Variants in TRHDE observed in about 807,000 individuals in gnomAD.
The protein encoded by TRHDE is thyrotropin-releasing hormone-degrading ectoenzyme.
In TRHDE, 72 loss-of-function variants were observed where a neutral mutation model predicts 125.7. The ratio of observed to expected loss-of-function variants is 0.57; its 90% CI spans 0.47 to 0.70. The LOEUF (loss-of-function observed/expected upper bound fraction) is 0.70, where lower values mean the gene tolerates loss of function less well. TRHDE is among the 30% of genes least tolerant of loss of function. The pLI is 0.00. For missense variants in TRHDE, 1,110 were observed against 1,327.1 expected (o/e 0.84, Z 2.54); for synonymous variants, 509 against 509.1 (o/e 1.00, Z 0.00).
intron 2 of TRHDE, among the ~76,000 whole-genome samples, chr12:72,133,872 G>A (rs1396216073): frequency 6.6e-6 from 1 of 152,150 alleles, no homozygotes; most frequent in East Asian, 1.9e-4. Flanking sequence ...GCTTTTCCCT[G>A]GGTGGCTGTT....
At chr12:72,603,333 G>A (rs547620446) in intron 12 of TRHDE, among the ~76,000 whole-genome samples, 1 of 152,086 alleles carries the variant, frequency 6.6e-6, no homozygotes, top group East Asian at 1.9e-4. Flanking sequence ...GGGTGTGTGT[G>A]GTGTGTGTTG....
At chr12:72,656,463 G>T (rs1874712733) in intron 17 of TRHDE, among the ~76,000 whole-genome samples, 1 of 152,088 alleles carries the variant, frequency 6.6e-6, no homozygotes, top group South Asian at 2.1e-4. Context: ...AAAATAATAT[G>T]AAAATGCCAG....
intron 2 of TRHDE, among the ~76,000 whole-genome samples, chr12:72,344,504 A>C (rs113521343): frequency 1.3e-5 from 2 of 152,244 alleles, no homozygotes; most frequent in Admixed American, 6.5e-5. Flanking sequence ...GGAATCCATA[A>C]AATTAATTTA....
intron 2 of TRHDE, among the ~76,000 whole-genome samples, chr12:72,201,174 T>A (rs1020800536): frequency 8.5e-5 from 13 of 152,126 alleles, no homozygotes; most frequent in African/African-American, 3.1e-4. Flanking sequence ...AGGGATCAGA[T>A]CATGGAGTCT....
chr12:72,407,882 C>T (rs957824629), intron 3 of TRHDE, among the ~76,000 whole-genome samples: 29 of 152,152 alleles, frequency 1.9e-4, no homozygotes, highest in Non-Finnish European at 4.0e-4. Flanking sequence ...GCATTTGCTA[C>T]GAACATGACC....
chr12:72,455,941 C>T (rs566413083), intron 3 of TRHDE, among the ~76,000 whole-genome samples: 11 of 151,800 alleles, frequency 7.2e-5, no homozygotes, highest in East Asian at 3.9e-4. Flanking sequence ...TAGAATTCAA[C>T]GAGTTTGCCA....
At chr12:72,407,447 C>G (rs2135809890) in intron 3 of TRHDE, among the ~76,000 whole-genome samples, 1 of 152,290 alleles carries the variant, frequency 6.6e-6, no homozygotes, top group Admixed American at 6.5e-5. Flanking sequence ...CTAGGCTACA[C>G]AGGAGAACGC....
At chr12:72,319,490 TTGGA>T in intron 2 of TRHDE, among the ~76,000 whole-genome samples, 1 of 152,282 alleles carries the variant, frequency 6.6e-6, no homozygotes, top group South Asian at 2.1e-4. Flanking sequence ...TAATCAAAAC[TTGGA>T]TGGAAAAAAT....
chr12:72,091,148 A>T (rs1459153741), intron 1 of TRHDE, among the ~76,000 whole-genome samples: 2 of 152,156 alleles, frequency 1.3e-5, no homozygotes, highest in East Asian at 3.9e-4. Context: ...AGCTGAGATT[A>T]CAGATGAAAG....
chr12:72,421,569 T>A (rs1161669324), intron 3 of TRHDE, among the ~76,000 whole-genome samples: 1 of 152,220 alleles, frequency 6.6e-6, no homozygotes, highest in East Asian at 1.9e-4. Context: ...TTTTGCTACA[T>A]TTTGTTGGTT....
chr12:72,519,201 A>C (rs1337771584), intron 6 of TRHDE, among the ~76,000 whole-genome samples: 1 of 152,084 alleles, frequency 6.6e-6, no homozygotes, highest in Admixed American at 6.5e-5. Flanking sequence ...CTGCCTTGCT[A>C]GGTTGGGGAA....
intron 2 of TRHDE, among the ~76,000 whole-genome samples, chr12:72,291,496 T>C (rs1265612080): frequency 1.3e-5 from 2 of 152,212 alleles, no homozygotes; most frequent in Non-Finnish European, 2.9e-5. Flanking sequence ...AATTAAAAAG[T>C]AGTTTGTGTT....
intron 12 of TRHDE, among the ~76,000 whole-genome samples, chr12:72,604,065 G>A (rs1872327334): frequency 6.6e-6 from 1 of 152,058 alleles, no homozygotes; most frequent in South Asian, 2.1e-4. Flanking sequence ...AAAGAACAAT[G>A]AAAGTTACAA....
intron 9 of TRHDE, among the ~76,000 whole-genome samples, chr12:72,567,060 C>T (rs1870481651): frequency 6.6e-6 from 1 of 151,894 alleles, no homozygotes; most frequent in East Asian, 1.9e-4. Context: ...TTTTAGAGAA[C>T]AACTGTTAAT....
At chr12:72,641,194 A>C (rs932048614) in intron 15 of TRHDE, among the ~76,000 whole-genome samples, 2 of 152,218 alleles carry the variant, frequency 1.3e-5, no homozygotes, top group African/African-American at 4.8e-5. Flanking sequence ...TTTGTATTTT[A>C]AATATTTTTT....
At chr12:72,389,208 T>C (rs924880001) in intron 3 of TRHDE, among the ~76,000 whole-genome samples, 1 of 152,114 alleles carries the variant, frequency 6.6e-6, no homozygotes, top group African/African-American at 2.4e-5. Context: ...AATGCATTGC[T>C]GAAGTGGTGA....
chr12:72,092,589 C>A (rs1592436993), intron 1 of TRHDE, among the ~76,000 whole-genome samples: 1 of 152,298 alleles, frequency 6.6e-6, no homozygotes, highest in East Asian at 1.9e-4. Context: ...CCCTTAGAAG[C>A]AGAGAGCATC....
intron 2 of TRHDE, among the ~76,000 whole-genome samples, chr12:72,364,787 A>C (rs1270204738): frequency 6.6e-6 from 1 of 152,108 alleles, no homozygotes; most frequent in Non-Finnish European, 1.5e-5. Context: ...TGATGGGCCA[A>C]ACTAAATTGA....
chr12:72,634,454 T>C (rs539762599), intron 15 of TRHDE, among the ~76,000 whole-genome samples: 1 of 151,954 alleles, frequency 6.6e-6, no homozygotes. Flanking sequence ...TGCATGAGTT[T>C]TAATTGGATG....
Sources: allele counts gnomAD v4.1 joint callset (sites outside exome capture counted in the v4.1 genomes callset), GRCh38; gene constraint gnomAD v4.1.1; transcripts MANE v1.5; gene names NCBI Gene and HGNC (gene_info 2026-07-23, HGNC 2026-07-21).